The following MARK1 variants were observed in gnomAD, a reference collection of about 807,000 sequenced individuals.
MARK1 encodes microtubule affinity regulating kinase 1.
In MARK1, 40 loss-of-function variants were observed where a neutral mutation model predicts 96.3. The ratio of observed to expected loss-of-function variants is 0.42; its 90% CI spans 0.32 to 0.54. The LOEUF (loss-of-function observed/expected upper bound fraction) is 0.54. MARK1 is among the 20% of genes least tolerant of loss of function. The pLI, the probability that MARK1 is intolerant of heterozygous loss-of-function variation, is 0.16. For missense variants in MARK1, 719 were observed against 984.6 expected (o/e 0.73, Z 3.61); for synonymous variants, 317 against 341.2 (o/e 0.93, Z 0.78).
chr1:220,611,795 C>T (rs1341098729), intron 6 of MARK1, among the ~76,000 whole-genome samples: 1 of 152,050 alleles, frequency 6.6e-6, no homozygotes, highest in Non-Finnish European at 1.5e-5. Context: ...TGCAGTGGCG[C>T]TATCTTGTCT....
chr1:220,553,156 A>G (rs1661983924), intron 1 of MARK1, among the ~76,000 whole-genome samples: 1 of 152,176 alleles, frequency 6.6e-6, no homozygotes, highest in Admixed American at 6.5e-5. Flanking sequence ...CCTCCTTGTT[A>G]CTAATTTTCA....
At chr1:220,537,592 G>A (rs1027034907) in intron 1 of MARK1, among the ~76,000 whole-genome samples, 12 of 140,972 alleles carry the variant, frequency 8.5e-5, no homozygotes, top group African/African-American at 2.8e-4. Flanking sequence ...AGTCCTTTGG[G>A]TATATACCCA....
At chr1:220,602,676 A>G (rs1247179490) in intron 5 of MARK1, among the ~76,000 whole-genome samples, 1 of 152,156 alleles carries the variant, frequency 6.6e-6, no homozygotes, top group Non-Finnish European at 1.5e-5. Context: ...TGAGTCAACT[A>G]GAGCATCCAT....
intron 3 of MARK1, among the ~76,000 whole-genome samples, chr1:220,589,442 G>A (rs1407425852): frequency 1.4e-4 from 21 of 152,184 alleles, no homozygotes; most frequent in Admixed American, 1.4e-3. Flanking sequence ...AATGGAGTTT[G>A]GCTAACCCTG....
At chr1:220,562,867 G>T (rs1288471561) in intron 1 of MARK1, among the ~76,000 whole-genome samples, 1 of 152,084 alleles carries the variant, frequency 6.6e-6, no homozygotes, top group Non-Finnish European at 1.5e-5. Context: ...GCAAATTCAG[G>T]TTTTGCTTTT....
intron 1 of MARK1, among the ~76,000 whole-genome samples, chr1:220,569,296 A>AT (rs917010612): frequency 1.3e-5 from 2 of 152,002 alleles, no homozygotes; most frequent in African/African-American, 4.8e-5. Flanking sequence ...TGTTACAAAT[A>AT]TTTTTTCTCA....
rs144129099 is a variant in MARK1 at position 220,561,612 on chromosome 1, A to C, written c.52-17742A>C. ...CTAAGCAATGTGACAGGATTTAAGC[A>C]CTTCCTGGGAAGATCCATGCCATTT... On this transcript the variant is annotated intron_variant, in intron 1 of 17. Transcript: ENST00000366917. Among the ~76,000 whole-genome samples the C allele has an allele frequency of 1.7e-3, 264 of 152,320 alleles. 1 individual carries two copies. Among genetic ancestry groups the C allele is most frequent in the African/African-American group, 6.0e-3 (249 of 41,576 alleles).
chr1:220,616,268 G>A (rs528232303), intron 7 of MARK1, among the ~76,000 whole-genome samples: 21 of 152,222 alleles, frequency 1.4e-4, no homozygotes, highest in Admixed American at 9.2e-4. Flanking sequence ...ATGGAACTTC[G>A]TTCCCAGCCA....
chr1:220,650,212 G>A (rs1337482667), intron 13 of MARK1, among the ~76,000 whole-genome samples: 1 of 152,196 alleles, frequency 6.6e-6, no homozygotes, highest in Non-Finnish European at 1.5e-5. Context: ...TGGCTTCTGA[G>A]TGGGCATGCC....
chr1:220,614,352 C>T (rs1043784850), intron 6 of MARK1, among the ~76,000 whole-genome samples: 1 of 151,224 alleles, frequency 6.6e-6, no homozygotes, highest in Non-Finnish European at 1.5e-5. Flanking sequence ...TTCGTCACCT[C>T]CCCATCCCCA....
At chr1:220,545,439 G>GTTTTTTTTTTTT (rs35422682) in intron 1 of MARK1, among the ~76,000 whole-genome samples, 3 of 87,262 alleles carry the variant, frequency 3.4e-5, no homozygotes, top group African/African-American at 4.5e-5. Context: ...CTTTCTCATG[G>GTTTTTTTTTTTT]TTTTTTTTTT....
At chr1:220,560,896 C>T (rs1662624081) in intron 1 of MARK1, among the ~76,000 whole-genome samples, 1 of 152,108 alleles carries the variant, frequency 6.6e-6, no homozygotes, top group Admixed American at 6.6e-5. Context: ...TCATTGGGAT[C>T]TGTGACCAAA....
intron 1 of MARK1, among the ~76,000 whole-genome samples, chr1:220,547,019 G>A (rs1447630213): frequency 6.6e-6 from 1 of 151,664 alleles, no homozygotes; most frequent in Non-Finnish European, 1.5e-5. Flanking sequence ...AGCAACTATA[G>A]GAATAGAAAG....
At chr1:220,604,535 A>AT (rs1210788119) in intron 6 of MARK1, among the ~76,000 whole-genome samples, 1 of 151,844 alleles carries the variant, frequency 6.6e-6, no homozygotes, top group African/African-American at 2.4e-5. Context: ...ATTGTATTAT[A>AT]TTTTTTTAAT....
Position 220,528,501 on chromosome 1 carries a change from G to A in MARK1, c.-322G>A, listed in dbSNP as rs528685790. ...GGAGAGCCTAGCGGGGCTCGCCACC[G>A]CCTCCCGGCTCCCCTTCCACGCCTC... On this transcript the variant is annotated 5_prime_UTR_variant, in exon 1 of 18. Transcript: ENST00000366917. 2.2e-3 allele frequency: 839 copies of A among 387,406 alleles called. 1 individual carries two copies. Among genetic ancestry groups the A allele is most frequent in the Non-Finnish European group, 2.8e-3 (603 of 216,272 alleles). The allele number at this position is 387,406 out of a possible 1,614,324, so 24.0% of individuals were successfully genotyped here. A position where few individuals can be genotyped will look rare whatever the true frequency, so the allele number is the denominator to read the frequency against.
At chr1:220,541,285 C>G (rs990998903) in intron 1 of MARK1, among the ~76,000 whole-genome samples, 1 of 152,090 alleles carries the variant, frequency 6.6e-6, no homozygotes, top group Non-Finnish European at 1.5e-5. Context: ...AAACTTCCCT[C>G]TTAGTACTGC....
intron 13 of MARK1, among the ~76,000 whole-genome samples, chr1:220,646,725 A>T (rs1668596199): frequency 6.6e-6 from 1 of 152,192 alleles, no homozygotes; most frequent in Non-Finnish European, 1.5e-5. Flanking sequence ...AATGGAACAG[A>T]ATAGAGAACT....
At chr1:220,538,218 G>A (rs886686714) in intron 1 of MARK1, among the ~76,000 whole-genome samples, 103 of 152,034 alleles carry the variant, frequency 6.8e-4, no homozygotes, top group African/African-American at 2.3e-3. Context: ...TAGGTCTAAC[G>A]TTTAAGTCTT....
intron 1 of MARK1, among the ~76,000 whole-genome samples, chr1:220,562,755 A>G (rs1662758978): frequency 6.6e-6 from 1 of 152,174 alleles, no homozygotes; most frequent in Non-Finnish European, 1.5e-5. Context: ...TCTTGTGTAT[A>G]TCCTCCTATA....
Sources: gnomAD v4.1 joint callset for allele counts (sites outside exome capture counted in the v4.1 genomes callset) on GRCh38, gnomAD v4.1.1 for gene constraint, MANE v1.5 for transcripts, NCBI Gene and HGNC (gene_info 2026-07-23, HGNC 2026-07-21) for gene names.